BCAT1: variants seen among roughly 807,000 people sequenced by gnomAD.
BCAT1 encodes branched-chain-amino-acid aminotransferase, cytosolic.
In BCAT1, 48 loss-of-function variants were observed where a neutral mutation model predicts 52.4. That is an observed-to-expected ratio of 0.92 (90% CI 0.73 to 1.16). The LOEUF (loss-of-function observed/expected upper bound fraction) is 1.16, where lower values mean the gene tolerates loss of function less well. BCAT1 is among the 50% of genes most tolerant of loss of function. The pLI, the probability that BCAT1 is intolerant of heterozygous loss-of-function variation, is 0.00. For missense variants in BCAT1, 451 were observed against 457.1 expected (o/e 0.99, Z 0.12); for synonymous variants, 167 against 161.3 (o/e 1.04, Z -0.27).
intron 3 of BCAT1, among the ~76,000 whole-genome samples, chr12:24,886,297 G>A (rs1942661022): frequency 6.6e-6 from 1 of 152,030 alleles, no homozygotes; most frequent in African/African-American, 2.4e-5. Flanking sequence ...GCACACCTGT[G>A]GTCCCAGCAA....
chr12:24,847,676 G>A (rs1941388062), intron 6 of BCAT1, among the ~76,000 whole-genome samples: 1 of 152,180 alleles, frequency 6.6e-6, no homozygotes, highest in Admixed American at 6.5e-5. Context: ...GGAATCACCT[G>A]GAACTAAAGC....
intron 1 of BCAT1, among the ~76,000 whole-genome samples, chr12:24,932,811 G>A (rs1377262498): frequency 2.0e-5 from 3 of 149,620 alleles, no homozygotes; most frequent in African/African-American, 7.4e-5. Flanking sequence ...TAATTTTTTT[G>A]GTTTTTTTGT....
chr12:24,849,699 T>G, intron 6 of BCAT1, 87 bp downstream of exon 6: 1 of 1,364,830 alleles, frequency 7.3e-7, no homozygotes, highest in Non-Finnish European at 9.9e-7. Flanking sequence ...TGAAAAGTAT[T>G]ATATGTGTTC....
chr12:24,936,324 C>T (rs111468947), intron 1 of BCAT1, among the ~76,000 whole-genome samples: 2 of 152,204 alleles, frequency 1.3e-5, no homozygotes, highest in Non-Finnish European at 2.9e-5. Flanking sequence ...TCTCTACCTC[C>T]CGGGTTCAAG....
chr12:24,924,084 C>T (rs1332879202), intron 1 of BCAT1, among the ~76,000 whole-genome samples: 2 of 148,360 alleles, frequency 1.3e-5, no homozygotes, highest in African/African-American at 2.4e-5. Context: ...TATACATTCT[C>T]GTTTCCTCCC....
chr12:24,816,274 A>T lies in BCAT1; in HGVS notation c.*1734T>A. On this transcript the variant is annotated 3_prime_UTR_variant, in exon 11 of 11. Transcript: ENST00000261192. ...TTTTTCCAATGCATCAAACTTTTAG[A>T]ATCCTTTTTATTTTCCTTCTCTGAA... is the stretch of plus-strand genomic sequence containing the variant. 2.7e-6 allele frequency: 1 copy of T among 375,694 alleles called. No individual in the cohort carries two copies. The highest frequency in any genetic ancestry group is 6.9e-4 in the Middle Eastern group (1 of 1,452). 23.3% of individuals were successfully genotyped at this position (375,694 alleles called of 1,614,324 possible).
chr12:24,887,542 C>T (rs1253956530), intron 3 of BCAT1, among the ~76,000 whole-genome samples: 11 of 152,140 alleles, frequency 7.2e-5, no homozygotes, highest in African/African-American at 2.7e-4. Flanking sequence ...AAGGTTATCA[C>T]AAAAGTAAGA....
chr12:24,812,644 G>A lies in BCAT1; in HGVS notation c.*5364C>T, dbSNP rs1277090293. 1.3e-5 allele frequency: 2 copies of A among 151,914 alleles called. No homozygotes were observed. Among genetic ancestry groups the A allele is most frequent in the Non-Finnish European group, 2.9e-5 (2 of 67,856 alleles). The allele number at this position is 151,914 out of a possible 1,614,324, so 9.4% of individuals were successfully genotyped here. A position where few individuals can be genotyped will look rare whatever the true frequency, so the allele number is the denominator to read the frequency against. On this transcript the variant is annotated 3_prime_UTR_variant, in exon 11 of 11. Coordinates refer to ENST00000261192, the MANE Select transcript of BCAT1 (RefSeq NM_005504.7). ...AGATCTCAATGCTTGACAGAATAAG[G>A]AAAAAGCTCCTTTGGATAACACAAA... is the stretch of plus-strand genomic sequence containing the variant.
intron 1 of BCAT1, among the ~76,000 whole-genome samples, chr12:24,925,764 AT>A (rs1194793774): frequency 6.6e-6 from 1 of 151,892 alleles, no homozygotes; most frequent in Admixed American, 6.5e-5. Context: ...TGGTTTTCGT[AT>A]TTTTTTGGTG....
intron 5 of BCAT1, among the ~76,000 whole-genome samples, chr12:24,877,979 C>T (rs1349320417): frequency 2.0e-5 from 3 of 151,986 alleles, no homozygotes; most frequent in African/African-American, 4.8e-5. Context: ...CAGAGTGAGA[C>T]ATCATCTCTA....
rs184017993 is a variant in BCAT1, at chr12:24,859,643, T to C, written c.511-9694A>G. Among the ~76,000 whole-genome samples, 866 of 150,090 alleles carry C rather than the reference T, an allele frequency of 5.8e-3. 14 individuals carry two copies. The highest frequency in any genetic ancestry group is 0.021 in the African/African-American group (825 of 40,022). On this transcript the variant is annotated intron_variant, in intron 5 of 10. Transcript: ENST00000261192. Reference sequence around the variant, plus strand: ...CAAAAAAAAAAAAAAAAAAAAAGGATTTTGCTTTTGGAAAATCTTTGTATT... The same window carrying C: ...CAAAAAAAAAAAAAAAAAAAAAGGACTTTGCTTTTGGAAAATCTTTGTATT...
chr12:24,945,698 G>A (rs889674339), intron 1 of BCAT1: 7 of 152,176 alleles, frequency 4.6e-5, no homozygotes, highest in Admixed American at 6.6e-5. Flanking sequence ...GCTGGGCATG[G>A]TGGTAATCCC....
chr12:24,934,879 A>G (rs929299313), intron 1 of BCAT1, among the ~76,000 whole-genome samples: 4 of 152,164 alleles, frequency 2.6e-5, no homozygotes, highest in African/African-American at 7.2e-5. Context: ...CACTTGCCAC[A>G]TCTCAGTTTT....
intron 5 of BCAT1, among the ~76,000 whole-genome samples, chr12:24,863,269 T>A (rs1182913106): frequency 6.6e-6 from 1 of 152,206 alleles, no homozygotes; most frequent in Non-Finnish European, 1.5e-5. Context: ...AAGGATTACA[T>A]TAGATAATAT....
chr12:24,846,418 A>C (rs1941346841), intron 6 of BCAT1, among the ~76,000 whole-genome samples: 1 of 152,224 alleles, frequency 6.6e-6, no homozygotes, highest in African/African-American at 2.4e-5. Context: ...TAAGAGAAAC[A>C]TGTTCTTGGA....
At position 24,928,632 on chromosome 12, in the gene BCAT1, C is replaced by CAA. The variant is rs34227038; in HGVS notation, c.6+20293_6+20294dup. ...CCTGCAATACAGAGCGAGACAGTCT[C>CAA]AAAAAAAAAAAAAAAAAACCAAGAA... On this transcript the variant is annotated intron_variant, in intron 1 of 10. Transcript: ENST00000261192. Among the ~76,000 whole-genome samples, 255 of 85,244 alleles carry CAA rather than the reference C, an allele frequency of 3.0e-3. 3 individuals carry two copies. Among genetic ancestry groups the CAA allele is most frequent in the Middle Eastern group, 6.3e-3 (1 of 160 alleles). 55.9% of individuals were successfully genotyped at this position (85,244 alleles called of 152,430 possible).
At chr12:24,834,811 AAAAAG>A (rs1330518077) in intron 8 of BCAT1, 82 of 1,140,448 alleles carry the variant, frequency 7.2e-5, no homozygotes, top group South Asian at 2.4e-4. Context: ...CTGTGTCCTG[AAAAAG>A]AAAAGAAAAG....
intron 10 of BCAT1, among the ~76,000 whole-genome samples, chr12:24,820,283 A>G (rs757682759): frequency 2.6e-5 from 4 of 152,330 alleles, no homozygotes; most frequent in South Asian, 2.1e-4. Context: ...AGAAGTGCCC[A>G]AGAAATGTGA....
intron 1 of BCAT1, among the ~76,000 whole-genome samples, chr12:24,937,128 A>G (rs1565506307): frequency 6.6e-6 from 1 of 152,332 alleles, no homozygotes; most frequent in East Asian, 1.9e-4. Flanking sequence ...AAGTCATACA[A>G]ATAATCACCC....
Sources: gnomAD v4.1 joint callset for allele counts (sites outside exome capture counted in the v4.1 genomes callset) on GRCh38, gnomAD v4.1.1 for gene constraint, MANE v1.5 for transcripts, NCBI Gene and HGNC (gene_info 2026-07-23, HGNC 2026-07-21) for gene names.